Variants in ADCY2 observed in about 807,000 individuals in gnomAD.
ADCY2 encodes the protein adenylate cyclase 2, also known as adenylate cyclase type 2.
In ADCY2, 31 loss-of-function variants were observed where a neutral mutation model predicts 125.2. The observed-to-expected ratio is 0.25, with a 90% CI of 0.19 to 0.33. The LOEUF (loss-of-function observed/expected upper bound fraction) is 0.33, where lower values mean the gene tolerates loss of function less well. Among genes scored for constraint, ADCY2 ranks in the 10% least tolerant of loss-of-function variants. The pLI, the probability that ADCY2 is intolerant of heterozygous loss-of-function variation, is 1.00. For missense variants in ADCY2, 904 were observed against 1,418.2 expected (o/e 0.64, Z 5.82); for synonymous variants, 512 against 548.4 (o/e 0.93, Z 0.93).
intron 22 of ADCY2, among the ~76,000 whole-genome samples, 176 bp downstream of exon 22, chr5:7,804,868 A>T (rs1164289498): frequency 6.6e-6 from 1 of 152,164 alleles, no homozygotes; most frequent in Non-Finnish European, 1.5e-5. Context: ...GAGCCAGAGG[A>T]TCTGTTCACA....
At chr5:7,468,473 A>G (rs1742210609) in intron 2 of ADCY2, among the ~76,000 whole-genome samples, 1 of 152,178 alleles carries the variant, frequency 6.6e-6, no homozygotes, top group South Asian at 2.1e-4. Flanking sequence ...GATCAAATAT[A>G]TTCATTTGTA....
At chr5:7,712,139 T>C (rs957472228) in intron 10 of ADCY2, among the ~76,000 whole-genome samples, 3 of 152,220 alleles carry the variant, frequency 2.0e-5, no homozygotes, top group Admixed American at 1.3e-4. Flanking sequence ...TAAATCCATA[T>C]CTTAATATAA....
At chr5:7,584,561 CCCAGCTTT>C (rs1422547495) in intron 3 of ADCY2, among the ~76,000 whole-genome samples, 2 of 152,006 alleles carry the variant, frequency 1.3e-5, no homozygotes, top group Admixed American at 1.3e-4. Context: ...ATTGTGTGCA[CCCAGCTTT>C]GTAACTGTGG....
chr5:7,617,328 C>T (rs1737799331), intron 3 of ADCY2, among the ~76,000 whole-genome samples: 2 of 152,122 alleles, frequency 1.3e-5, no homozygotes, highest in South Asian at 2.1e-4. Flanking sequence ...TAGGCCAAGT[C>T]ACAGCAAGAA....
intron 17 of ADCY2, among the ~76,000 whole-genome samples, chr5:7,771,903 G>A (rs943190963): frequency 1.3e-5 from 2 of 152,148 alleles, no homozygotes; most frequent in African/African-American, 4.8e-5. Context: ...ATTTTTTTGA[G>A]TGTTGTCTCT....
chr5:7,760,233 T>C (rs1560958106), intron 16 of ADCY2, among the ~76,000 whole-genome samples: 1 of 152,262 alleles, frequency 6.6e-6, no homozygotes, highest in Admixed American at 6.5e-5. Context: ...CTCGACTTTG[T>C]AACCTGCATT....
intron 2 of ADCY2, among the ~76,000 whole-genome samples, chr5:7,457,257 A>C (rs147795184): frequency 6.6e-6 from 1 of 152,336 alleles, no homozygotes; most frequent in African/African-American, 2.4e-5. Context: ...TTAGTACTAT[A>C]ACAAACCACC....
chr5:7,603,003 A>G (rs182369310), intron 3 of ADCY2, among the ~76,000 whole-genome samples: 11 of 152,274 alleles, frequency 7.2e-5, no homozygotes, highest in Admixed American at 3.9e-4. Flanking sequence ...GGAGGAGCCC[A>G]TTGGCTTTGC....
intron 3 of ADCY2, among the ~76,000 whole-genome samples, chr5:7,564,175 C>G (rs1021424655): frequency 2.6e-5 from 4 of 152,120 alleles, no homozygotes; most frequent in African/African-American, 7.2e-5. Context: ...ACCTTTCCCC[C>G]AAAAGCAGTT....
intron 4 of ADCY2, among the ~76,000 whole-genome samples, chr5:7,649,960 C>G (rs775703788): frequency 1.8e-4 from 28 of 152,002 alleles, no homozygotes; most frequent in Non-Finnish European, 8.8e-5. Context: ...CAGATGGCCC[C>G]AGTTCTACCT....
intron 3 of ADCY2, among the ~76,000 whole-genome samples, chr5:7,564,437 T>C (rs938946488): frequency 6.6e-6 from 1 of 152,084 alleles, no homozygotes; most frequent in Admixed American, 6.5e-5. Flanking sequence ...GCTGGGCACT[T>C]TTCTTAGCCC....
Position 7,396,294 on chromosome 5 carries a change from C to T in ADCY2, c.-3C>T. 5 of 1,334,800 alleles carry T rather than the reference C, an allele frequency of 3.7e-6. No individual in the cohort carries two copies. The highest frequency in any genetic ancestry group is 4.8e-6 in the Non-Finnish European group (5 of 1,036,818). 82.7% of individuals were successfully genotyped at this position (1,334,800 alleles called of 1,614,324 possible). ...CACGGCGGGCGCCCTGTGAGCGGCC[C>T]CGATGTGGCAGGAGGCGATGCGGCG... On this transcript the variant is annotated 5_prime_UTR_variant, in exon 1 of 25. Coordinates refer to ENST00000338316, the MANE Select transcript of ADCY2 (RefSeq NM_020546.3). The surrounding 1 kb of genome is among the most constrained non-coding windows in gnomAD (Gnocchi z 5.7).
At chr5:7,727,645 GACC>G (rs1741971878) in intron 14 of ADCY2, among the ~76,000 whole-genome samples, 1 of 152,044 alleles carries the variant, frequency 6.6e-6, no homozygotes. Context: ...GAAAGGGCAT[GACC>G]TTTCACTATA....
intron 3 of ADCY2, among the ~76,000 whole-genome samples, chr5:7,568,930 A>G (rs1380819868): frequency 2.6e-5 from 4 of 152,098 alleles, no homozygotes; most frequent in African/African-American, 9.7e-5. Flanking sequence ...ATCTTTTCCA[A>G]TTAAACTGGG....
At chr5:7,597,881 T>C (rs1267625488) in intron 3 of ADCY2, among the ~76,000 whole-genome samples, 4 of 152,172 alleles carry the variant, frequency 2.6e-5, no homozygotes, top group African/African-American at 7.2e-5. Context: ...AGAACACCTG[T>C]GTACCTTGCC....
chr5:7,610,202 T>C (rs1411026467), intron 3 of ADCY2, among the ~76,000 whole-genome samples: 3 of 152,184 alleles, frequency 2.0e-5, no homozygotes, highest in African/African-American at 7.2e-5. Context: ...AAGTTAGGTA[T>C]ATGGATGATG....
At chr5:7,446,858 AT>A (rs979073141) in intron 2 of ADCY2, among the ~76,000 whole-genome samples, 25 of 152,142 alleles carry the variant, frequency 1.6e-4, no homozygotes, top group African/African-American at 6.0e-4. Flanking sequence ...TTTCTTTTGC[AT>A]TTGCCTTCTG....
At position 7,690,984 on chromosome 5, in the gene ADCY2, T is replaced by TCCCACTCA. The variant is rs1740684684; in HGVS notation, c.869+148_869+155dup. On this transcript the variant is annotated intron_variant, in intron 5 of 24. Coordinates refer to ENST00000338316, the MANE Select transcript of ADCY2 (RefSeq NM_020546.3). ...GGAAATAATCACACAGATTCTGCCA[T>TCCCACTCA]CCCACTCACCTGTTCCTGCCTCTCA... 4 of 973,856 alleles carry TCCCACTCA rather than the reference T, an allele frequency of 4.1e-6. No individual in the cohort carries two copies. In the East Asian group the frequency reaches 1.2e-4, roughly 29 times the overall value. The allele number at this position is 973,856 out of a possible 1,614,324, so 60.3% of individuals were successfully genotyped here.
chr5:7,596,306 C>T (rs1737003099), intron 3 of ADCY2, among the ~76,000 whole-genome samples: 1 of 151,682 alleles, frequency 6.6e-6, no homozygotes, highest in Admixed American at 6.6e-5. Context: ...TCTGGGGTAT[C>T]AGAACCCAAG....
Sources: gnomAD v4.1 joint callset for allele counts (sites outside exome capture counted in the v4.1 genomes callset) on GRCh38, gnomAD v4.1.1 for gene constraint, Gnocchi (gnomAD v3.1) non-coding constraint, MANE v1.5 for transcripts, NCBI Gene and HGNC (gene_info 2026-07-23, HGNC 2026-07-21) for gene names.